UNC13C: variants seen among roughly 807,000 people sequenced by gnomAD.
UNC13C encodes the protein protein unc-13 homolog C.
Under a neutral mutation model 245.4 loss-of-function variants are expected in UNC13C, and 174 were observed. The observed-to-expected ratio is 0.71, with a 90% CI of 0.63 to 0.80. The LOEUF (loss-of-function observed/expected upper bound fraction) is 0.80, where lower values mean the gene tolerates loss of function less well. Ranked by LOEUF, UNC13C falls within the 30% of genes least tolerant of loss-of-function variation. UNC13C has a pLI of 0.00. For missense variants in UNC13C, 2,829 were observed against 2,602.9 expected, an observed-to-expected ratio of 1.09 and a Z score of -1.89; for synonymous variants, 992 against 895.1, an observed-to-expected ratio of 1.11 and a Z score of -1.93.
intron 4 of UNC13C, among the ~76,000 whole-genome samples, chr15:54,213,293 CTTATTTA>C (rs1483470728): frequency 6.6e-6 from 1 of 151,890 alleles, no homozygotes; most frequent in Non-Finnish European, 1.5e-5. Flanking sequence ...AATTTCATTA[CTTATTTA>C]TTAAGTATTT....
chr15:54,554,052 G>A (rs181003691), intron 28 of UNC13C, among the ~76,000 whole-genome samples: 413 of 151,984 alleles, frequency 2.7e-3, no homozygotes, highest in Non-Finnish European at 5.1e-3. Flanking sequence ...TATATATCAT[G>A]GATCCATGAA....
At chr15:54,358,551 G>T (rs944047993) in intron 17 of UNC13C, among the ~76,000 whole-genome samples, 1 of 151,840 alleles carries the variant, frequency 6.6e-6, no homozygotes, top group African/African-American at 2.4e-5. Flanking sequence ...ATGTTTAAAT[G>T]TATCACTATT....
chr15:54,072,421 T>C lies in UNC13C; in HGVS notation c.2983+56535T>C, dbSNP rs551901887. ...TCAGAATGCCCAGCAAAAGGCCTGGTAGCTGAGGCTGTCCTTTGCACTCTT... is the reference window on the plus strand; with the variant it reads ...TCAGAATGCCCAGCAAAAGGCCTGGCAGCTGAGGCTGTCCTTTGCACTCTT... On this transcript the variant is annotated intron_variant, in intron 2 of 32. Coordinates refer to ENST00000260323, the MANE Select transcript of UNC13C (RefSeq NM_001080534.3). 1.5e-4 allele frequency among the ~76,000 whole-genome samples: 23 copies of C among 152,296 alleles called. No homozygotes were observed. In the South Asian group the frequency reaches 4.6e-3, roughly 30 times the overall value.
chr15:53,918,786 G>A, the UNC13C span, among the ~76,000 whole-genome samples: 1 of 152,168 alleles, frequency 6.6e-6, no homozygotes, highest in Non-Finnish European at 1.5e-5. Flanking sequence ...TCATCAGAGA[G>A]CCTCTCTCCC....
rs769532196 is a variant in UNC13C at position 54,627,016 on chromosome 15, C to T, written c.6548C>T (p.Thr2183Ile). The change falls in exon 33 of 33, where the codon ACT becomes ATT. Residue 2183 changes from threonine (T) to isoleucine (I), a missense_variant. Transcript: ENST00000260323. ...KNISMDETGL[T>I]ILRILSQRTS... ...ATCTCTATGGATGAAACTGGTTTGA[C>T]TATCCTTAGAATACTCTCTCAGAGG... The T allele has an allele frequency of 6.2e-7, 1 of 1,613,346 alleles. No individual in the cohort carries two copies. Among genetic ancestry groups the T allele is most frequent in the Admixed American group, 1.7e-5 (1 of 59,878 alleles).
chr15:53,880,305 A>G, the UNC13C span, among the ~76,000 whole-genome samples: 8 of 152,314 alleles, frequency 5.3e-5, no homozygotes, highest in Non-Finnish European at 1.2e-4. Context: ...ATAAAGATTG[A>G]AGGAACTAGA....
chr15:54,497,992 G>A (rs1894031632), intron 20 of UNC13C, among the ~76,000 whole-genome samples: 1 of 151,880 alleles, frequency 6.6e-6, no homozygotes, highest in Non-Finnish European at 1.5e-5. Flanking sequence ...CCAGACAACA[G>A]GACTAAATAA....
intron 2 of UNC13C, among the ~76,000 whole-genome samples, chr15:54,096,966 C>T (rs1433760107): frequency 5.9e-5 from 9 of 152,128 alleles, no homozygotes; most frequent in African/African-American, 2.2e-4. Context: ...TATTTGAATG[C>T]AATTCTCTGC....
intron 4 of UNC13C, among the ~76,000 whole-genome samples, chr15:54,161,761 A>G (rs2032984450): frequency 6.6e-6 from 1 of 151,940 alleles, no homozygotes; most frequent in Non-Finnish European, 1.5e-5. Flanking sequence ...GAACAGCCTG[A>G]CCAACACAGA....
Position 54,260,031 on chromosome 15 carries a change from A to G in UNC13C, c.3449-4137A>G, listed in dbSNP as rs190268528. Among the ~76,000 whole-genome samples the G allele has an allele frequency of 2.3e-3, 357 of 152,234 alleles. 1 individual carries two copies. The highest frequency in any genetic ancestry group is 8.4e-3 in the African/African-American group (347 of 41,552). On this transcript the variant is annotated intron_variant, in intron 8 of 32. Coordinates refer to ENST00000260323, the MANE Select transcript of UNC13C (RefSeq NM_001080534.3). ...CCAAAGTAAATATCCAATTATGCCA[A>G]TCATTTTATCTTCGGCTCCCCCAAG...
At chr15:54,299,439 A>G (rs949914754) in intron 12 of UNC13C, among the ~76,000 whole-genome samples, 2 of 152,148 alleles carry the variant, frequency 1.3e-5, no homozygotes, top group African/African-American at 4.8e-5. Context: ...TTGCCTTAAC[A>G]TAGTCAAAAT....
At chr15:53,919,214 G>A in the UNC13C span, among the ~76,000 whole-genome samples, 5 of 152,272 alleles carry the variant, frequency 3.3e-5, no homozygotes, top group Non-Finnish European at 7.3e-5. Flanking sequence ...AATAATTATG[G>A]TGTCTCAACT....
intron 10 of UNC13C, among the ~76,000 whole-genome samples, chr15:54,280,745 TAC>T (rs869221431): frequency 2.3e-5 from 2 of 85,508 alleles, no homozygotes; most frequent in African/African-American, 1.2e-4. Flanking sequence ...CATACATATA[TAC>T]ATATATACAC....
chr15:53,843,559 T>C, the UNC13C span, among the ~76,000 whole-genome samples: 1 of 152,022 alleles, frequency 6.6e-6, no homozygotes, highest in South Asian at 2.1e-4. Context: ...ATGAGATTAG[T>C]AATGCTGTTC....
At chr15:54,383,423 G>A (rs913929872) in intron 17 of UNC13C, among the ~76,000 whole-genome samples, 4 of 152,070 alleles carry the variant, frequency 2.6e-5, no homozygotes, top group African/African-American at 9.7e-5. Flanking sequence ...TCAGCAGAAG[G>A]AAAGACAAAA....
chr15:54,023,477 T>C (rs1895984102), intron 2 of UNC13C, among the ~76,000 whole-genome samples: 1 of 152,192 alleles, frequency 6.6e-6, no homozygotes, highest in Admixed American at 6.5e-5. Context: ...TAGTATCATA[T>C]TTTTAGGAAG....
chr15:54,431,450 T>C (rs979614727), intron 19 of UNC13C, among the ~76,000 whole-genome samples: 1 of 151,674 alleles, frequency 6.6e-6, no homozygotes, highest in African/African-American at 2.4e-5. Context: ...TATCACATAT[T>C]GTCAGTACAT....
intron 4 of UNC13C, among the ~76,000 whole-genome samples, chr15:54,228,987 T>C (rs903164336): frequency 2.0e-5 from 3 of 152,132 alleles, no homozygotes; most frequent in Non-Finnish European, 4.4e-5. Context: ...ATTGTAGCCT[T>C]TTAGTGGTGA....
At chr15:54,145,258 C>T (rs1009984574) in intron 4 of UNC13C, among the ~76,000 whole-genome samples, 1 of 151,936 alleles carries the variant, frequency 6.6e-6, no homozygotes, top group East Asian at 1.9e-4. Flanking sequence ...GTAATACACT[C>T]ATTTTTTGAA....
Sources: gnomAD v4.1 joint callset for allele counts (sites outside exome capture counted in the v4.1 genomes callset) on GRCh38, gnomAD v4.1.1 for gene constraint, MANE v1.5 for transcripts, NCBI Gene and HGNC (gene_info 2026-07-23, HGNC 2026-07-21) for gene names.